The following ERC2 variants were observed in gnomAD, a reference collection of about 807,000 sequenced individuals.
ERC2 encodes the protein ELKS/RAB6-interacting/CAST family member 2.
A neutral mutation model predicts 114.8 loss-of-function variants in ERC2; 42 were observed. The ratio of observed to expected loss-of-function variants is 0.37; its 90% CI spans 0.29 to 0.47. ERC2 has a LOEUF of 0.47. ERC2 is among the 20% of genes least tolerant of loss of function. The probability of loss-of-function intolerance (pLI) is 0.99; values close to 1 mark genes in which losing one functional copy is unlikely to be tolerated. For synonymous variants in ERC2, 454 were observed against 425.5 expected, an observed-to-expected ratio of 1.07 and a Z score of -0.82; for missense variants, 939 against 1,150.7, an observed-to-expected ratio of 0.82 and a Z score of 2.66.
chr3:55,565,205 T>C (rs535788444), intron 17 of ERC2, among the ~76,000 whole-genome samples: 3 of 152,354 alleles, frequency 2.0e-5, no homozygotes, highest in East Asian at 1.9e-4. Flanking sequence ...TTTTCTGTCA[T>C]GCGAAGCCAA....
chr3:55,588,009 T>G (rs1402374050), intron 17 of ERC2, among the ~76,000 whole-genome samples: 1 of 152,186 alleles, frequency 6.6e-6, no homozygotes, highest in African/African-American at 2.4e-5. Flanking sequence ...CAAAACAGCC[T>G]TTTTCATTGA....
intron 2 of ERC2, among the ~76,000 whole-genome samples, chr3:56,390,068 C>T (rs2060073940): frequency 6.6e-6 from 1 of 152,010 alleles, no homozygotes; most frequent in South Asian, 2.1e-4. Flanking sequence ...AATAAATGAC[C>T]ATGTTGAACT....
intron 2 of ERC2, among the ~76,000 whole-genome samples, chr3:56,416,359 A>T (rs761443076): frequency 6.6e-6 from 1 of 152,098 alleles, no homozygotes; most frequent in African/African-American, 2.4e-5. Flanking sequence ...ACCCCTCTTC[A>T]TACTGGCCCA....
intron 4 of ERC2, among the ~76,000 whole-genome samples, chr3:56,167,448 G>C (rs6810099): frequency 6.6e-6 from 1 of 152,038 alleles, no homozygotes; most frequent in South Asian, 2.1e-4. Context: ...GAAGAGTTTG[G>C]GGGGAAAGGG....
At chr3:55,790,135 C>G (rs2069874459) in intron 14 of ERC2, among the ~76,000 whole-genome samples, 1 of 152,142 alleles carries the variant, frequency 6.6e-6, no homozygotes, top group South Asian at 2.1e-4. Flanking sequence ...AGGATAAAGT[C>G]CAACTTCTTT....
intron 17 of ERC2, among the ~76,000 whole-genome samples, chr3:55,550,719 T>C (rs2055107504): frequency 6.6e-6 from 1 of 152,134 alleles, no homozygotes; most frequent in Admixed American, 6.6e-5. Context: ...CAAACAGATA[T>C]AATTTAAGAA....
At chr3:55,938,716 A>G (rs1041095695) in intron 13 of ERC2, among the ~76,000 whole-genome samples, 3 of 152,182 alleles carry the variant, frequency 2.0e-5, no homozygotes, top group Non-Finnish European at 4.4e-5. Context: ...CAAAATAAAA[A>G]CAAGTCTGCT....
rs149843644 is a variant in ERC2 at position 55,768,135 on chromosome 3, A to C, written c.2565-33217T>G. Among the ~76,000 whole-genome samples the C allele has an allele frequency of 6.9e-3, 1,050 of 152,292 alleles. 11 individuals carry two copies. The highest frequency in any genetic ancestry group is 0.024 in the African/African-American group (1,002 of 41,564). ...ATTGTAAGTTTCCTGAGGTCTCCCC[A>C]GCCATGCTTCTGGTACAGCCTGCAA... is the stretch of plus-strand genomic sequence containing the variant. On this transcript the variant is annotated intron_variant, in intron 14 of 17. Coordinates refer to ENST00000288221, the MANE Select transcript of ERC2 (RefSeq NM_015576.3).
Position 55,699,365 on chromosome 3 carries a change from C to T in ERC2, c.2847+13G>A, listed in dbSNP as rs758223503. ...TAAAAGGGGTCTTGGAGGTAAGCAGCGATGAAACTGACCTGGTCCGGAGAG... is the reference window on the plus strand; with the variant it reads ...TAAAAGGGGTCTTGGAGGTAAGCAGTGATGAAACTGACCTGGTCCGGAGAG... On this transcript the variant is annotated intron_variant, in intron 16 of 17. Coordinates refer to ENST00000288221, the MANE Select transcript of ERC2 (RefSeq NM_015576.3). The T allele has an allele frequency of 1.1e-4, 182 of 1,613,418 alleles. No individual in the cohort carries two copies. Among genetic ancestry groups the T allele is most frequent in the Non-Finnish European group, 1.5e-4 (172 of 1,179,732 alleles).
At chr3:56,312,727 G>A (rs2056651748) in intron 2 of ERC2, among the ~76,000 whole-genome samples, 2 of 150,038 alleles carry the variant, frequency 1.3e-5, no homozygotes, top group East Asian at 2.0e-4. Context: ...CTGTGCTCTC[G>A]GTGGAATTTT....
intron 3 of ERC2, among the ~76,000 whole-genome samples, chr3:56,279,495 G>A (rs2054211707): frequency 6.6e-6 from 1 of 152,238 alleles, no homozygotes; most frequent in African/African-American, 2.4e-5. Context: ...GGAAGCCCCA[G>A]CAGTGGGGGA....
chr3:56,262,518 T>C (rs1441837792), intron 3 of ERC2, among the ~76,000 whole-genome samples: 1 of 152,238 alleles, frequency 6.6e-6, no homozygotes, highest in Admixed American at 6.5e-5. Flanking sequence ...GATTCTCTTT[T>C]AAAAGACAGT....
At chr3:55,560,952 G>A (rs755512497) in intron 17 of ERC2, among the ~76,000 whole-genome samples, 9 of 151,940 alleles carry the variant, frequency 5.9e-5, no homozygotes, top group Non-Finnish European at 1.2e-4. Context: ...GTGAGTACAC[G>A]GAACCTCTTC....
In ERC2 at chr3:55,572,015, G is replaced by C. The variant is rs113996812; in HGVS notation, c.*40-60739C>G. Among the ~76,000 whole-genome samples the C allele has an allele frequency of 1.1e-3, 169 of 152,366 alleles. 1 individual carries two copies. The highest frequency in any genetic ancestry group is 3.9e-3 in the African/African-American group (161 of 41,580). On this transcript the variant is annotated intron_variant, in intron 17 of 17. Transcript: ENST00000288221. ...CAGGTGTTCCCTCTAGACCCAGGGA[G>C]TGCAGTTCTTCCTGCCACCCGCAGG...
chr3:56,036,093 A>C (rs1334317951), intron 7 of ERC2, among the ~76,000 whole-genome samples: 1 of 152,220 alleles, frequency 6.6e-6, no homozygotes, highest in Non-Finnish European at 1.5e-5. Context: ...ACATTAATAA[A>C]ATAAAAGATA....
intron 16 of ERC2, among the ~76,000 whole-genome samples, chr3:55,686,732 G>A (rs34215897): frequency 0.028 from 4,222 of 152,310 alleles, 95 homozygotes; most frequent in Non-Finnish European, 0.044. Flanking sequence ...GGGAGAGTCT[G>A]TTTCCTTTCC....
Position 56,126,860 on chromosome 3 carries a change from G to GGAAAGGAAAGGAAAGGAAAGGAAAA in ERC2, c.1473+12648_1473+12649insTTTTCCTTTCCTTTCCTTTCCTTTC, listed in dbSNP as rs1338437276. 2.0e-3 allele frequency among the ~76,000 whole-genome samples: 268 copies of GGAAAGGAAAGGAAAGGAAAGGAAAA among 136,838 alleles called. 1 individual carries two copies. Among genetic ancestry groups the GGAAAGGAAAGGAAAGGAAAGGAAAA allele is most frequent in the Middle Eastern group, 3.7e-3 (1 of 268 alleles). The allele number at this position is 136,838 out of a possible 152,430, so 89.8% of individuals were successfully genotyped here. On this transcript the variant is annotated intron_variant, in intron 6 of 17. Transcript: ENST00000288221. ...GGAAAGGAAAGGAAAGGAAAAGAAAGGCAAGGCAAGGCAAGGCAAGGCAAG... is the reference window on the plus strand; with the variant it reads ...GGAAAGGAAAGGAAAGGAAAAGAAAGGAAAGGAAAGGAAAGGAAAGGAAAAGCAAGGCAAGGCAAGGCAAGGCAAG...
intron 1 of ERC2, among the ~76,000 whole-genome samples, chr3:56,445,700 ACT>A (rs1236392424): frequency 3.3e-5 from 5 of 151,816 alleles, no homozygotes; most frequent in African/African-American, 9.7e-5. Flanking sequence ...TCCTTCAAAG[ACT>A]CTGACAGGGT....
intron 14 of ERC2, among the ~76,000 whole-genome samples, chr3:55,760,319 G>A (rs1043988960): frequency 1.3e-5 from 2 of 152,130 alleles, no homozygotes. Context: ...AAATACTTTA[G>A]TGAGGTTGTG....
Sources: gnomAD v4.1 joint callset for allele counts (sites outside exome capture counted in the v4.1 genomes callset) on GRCh38, gnomAD v4.1.1 for gene constraint, MANE v1.5 for transcripts, NCBI Gene and HGNC (gene_info 2026-07-23, HGNC 2026-07-21) for gene names.